Variants in GALNT13 observed in about 807,000 individuals in gnomAD.
GALNT13 encodes the protein UDP-GalNAc:polypeptide N-acetylgalactosaminyltransferase 13.
GALNT13 carries 28 observed loss-of-function variants against 64.2 expected under a neutral mutation model. The ratio of observed to expected loss-of-function variants is 0.44; its 90% CI spans 0.32 to 0.60. The LOEUF (loss-of-function observed/expected upper bound fraction) is 0.60, where lower values mean the gene tolerates loss of function less well. Among genes scored for constraint, GALNT13 ranks in the 20% least tolerant of loss-of-function variants. GALNT13 has a pLI of 0.05. For synonymous variants in GALNT13, 214 were observed against 224.6 expected (o/e 0.95, Z 0.42); for missense variants, 577 against 669.8 (o/e 0.86, Z 1.53).
the GALNT13 span, among the ~76,000 whole-genome samples, chr2:153,088,778 A>G: frequency 6.6e-6 from 1 of 152,166 alleles, no homozygotes; most frequent in African/African-American, 2.4e-5. Context: ...GTTTGATACA[A>G]GAATAGCTAC....
the GALNT13 span, among the ~76,000 whole-genome samples, chr2:153,377,805 A>T: frequency 3.3e-5 from 5 of 152,184 alleles, no homozygotes; most frequent in Non-Finnish European, 5.9e-5. Flanking sequence ...CAATAATTAA[A>T]ATGTGCATTC....
chr2:153,601,910 T>G, the GALNT13 span, among the ~76,000 whole-genome samples: 1 of 151,942 alleles, frequency 6.6e-6, no homozygotes, highest in East Asian at 1.9e-4. Context: ...CCCTATGTAG[T>G]CAAATGGGAT....
At chr2:153,117,127 C>A in the GALNT13 span, among the ~76,000 whole-genome samples, 3 of 151,946 alleles carry the variant, frequency 2.0e-5, no homozygotes, top group African/African-American at 7.2e-5. Context: ...TTAAGAAAAA[C>A]CAGCCTCATT....
intron 9 of GALNT13, among the ~76,000 whole-genome samples, chr2:154,313,732 T>C (rs1694182124): frequency 1.3e-5 from 2 of 152,054 alleles, no homozygotes; most frequent in South Asian, 4.1e-4. Context: ...GGATTACAGG[T>C]GTGAGCCATC....
At chr2:154,166,609 T>C (rs1025804926) in intron 4 of GALNT13, among the ~76,000 whole-genome samples, 15 of 152,192 alleles carry the variant, frequency 9.9e-5, no homozygotes, top group South Asian at 4.1e-4. Context: ...CCATTTGACC[T>C]AGCCATCCCA....
intron 4 of GALNT13, among the ~76,000 whole-genome samples, chr2:154,213,594 G>A (rs1341353665): frequency 2.7e-5 from 4 of 150,622 alleles, no homozygotes; most frequent in Admixed American, 1.3e-4. Flanking sequence ...AGAGACAGAA[G>A]AGAATCCTGC....
chr2:153,631,772 A>C, the GALNT13 span, among the ~76,000 whole-genome samples: 10 of 152,102 alleles, frequency 6.6e-5, no homozygotes, highest in Non-Finnish European at 1.5e-4. Flanking sequence ...GTTCACTCTG[A>C]TGGTAGTTTC....
At chr2:153,896,312 A>C (rs1687893050) in intron 1 of GALNT13, among the ~76,000 whole-genome samples, 1 of 150,728 alleles carries the variant, frequency 6.6e-6, no homozygotes, top group African/African-American at 2.4e-5. Context: ...ATTTATTTTA[A>C]AACTCTAAAG....
chr2:153,439,120 G>A, the GALNT13 span, among the ~76,000 whole-genome samples: 28 of 152,146 alleles, frequency 1.8e-4, no homozygotes, highest in African/African-American at 1.9e-4. Flanking sequence ...CAGCAGCAGT[G>A]GCTCCAGAAC....
intron 3 of GALNT13, among the ~76,000 whole-genome samples, chr2:154,134,381 A>G (rs1381968784): frequency 6.6e-6 from 1 of 152,194 alleles, no homozygotes; most frequent in East Asian, 1.9e-4. Context: ...AATATACAGA[A>G]AGTCAAAGAG....
chr2:154,269,909 T>TATATATAA (rs1249663387), intron 8 of GALNT13, among the ~76,000 whole-genome samples: 14 of 86,452 alleles, frequency 1.6e-4, no homozygotes, highest in African/African-American at 4.8e-4. Context: ...TATATGTGTA[T>TATATATAA]ATATATATAT....
the GALNT13 span, among the ~76,000 whole-genome samples, chr2:153,693,377 G>A: frequency 6.6e-6 from 1 of 152,064 alleles, no homozygotes; most frequent in African/African-American, 2.4e-5. Context: ...ATTGTCAATG[G>A]GTTTTACCCT....
intron 4 of GALNT13, among the ~76,000 whole-genome samples, chr2:154,167,584 C>G (rs560795208): frequency 6.6e-5 from 10 of 152,300 alleles, no homozygotes; most frequent in African/African-American, 2.4e-4. Flanking sequence ...TTTCCATTCT[C>G]CTTTTTTCCT....
At chr2:153,447,619 T>G in the GALNT13 span, among the ~76,000 whole-genome samples, 10 of 152,316 alleles carry the variant, frequency 6.6e-5, no homozygotes, top group Non-Finnish European at 1.2e-4. Flanking sequence ...TAAATTCTCT[T>G]CATAATTATA....
chr2:154,013,067 T>G (rs943428976), intron 3 of GALNT13, among the ~76,000 whole-genome samples: 4 of 149,500 alleles, frequency 2.7e-5, no homozygotes, highest in African/African-American at 9.9e-5. Context: ...CATTTCAGCC[T>G]GGTGCAGAAC....
chr2:154,234,454 T>A (rs1689085276), intron 4 of GALNT13, among the ~76,000 whole-genome samples: 1 of 152,104 alleles, frequency 6.6e-6, no homozygotes, highest in Admixed American at 6.6e-5. Flanking sequence ...AATGGCAGAA[T>A]GGGGAGGAAA....
At chr2:153,436,585 A>G in the GALNT13 span, among the ~76,000 whole-genome samples, 7 of 152,018 alleles carry the variant, frequency 4.6e-5, no homozygotes, top group Non-Finnish European at 1.0e-4. Flanking sequence ...GAATTTATCC[A>G]TTTCTTCTAG....
At chr2:153,900,805 A>G (rs999655852) in intron 1 of GALNT13, 131 bp from the exon 2 acceptor site, 1 of 152,122 alleles carries the variant, frequency 6.6e-6, no homozygotes, top group Admixed American at 6.6e-5. Context: ...TGGTAGATAT[A>G]TGGTCTACAT....
At chr2:153,168,811 A>G in the GALNT13 span, among the ~76,000 whole-genome samples, 2 of 152,228 alleles carry the variant, frequency 1.3e-5, no homozygotes, top group Non-Finnish European at 2.9e-5. Context: ...CAAACTTCTT[A>G]CCATATTGTT....
Sources: gnomAD v4.1 joint callset for allele counts (sites outside exome capture counted in the v4.1 genomes callset) on GRCh38, gnomAD v4.1.1 for gene constraint, MANE v1.5 for transcripts, NCBI Gene and HGNC (gene_info 2026-07-23, HGNC 2026-07-21) for gene names.